TBL1X: variants seen among roughly 807,000 people sequenced by gnomAD.
The protein encoded by TBL1X is transducin beta like 1 X-linked, also known as F-box-like/WD repeat-containing protein TBL1X.
TBL1X carries 10 observed loss-of-function variants against 50.7 expected under a neutral mutation model. The observed-to-expected ratio is 0.20, with a 90% CI of 0.12 to 0.33. TBL1X has a LOEUF of 0.33. Among genes scored for constraint, TBL1X ranks in the 10% least tolerant of loss-of-function variants. The pLI is 1.00. For synonymous variants in TBL1X, 190 were observed against 214.7 expected (o/e 0.88, Z 1.01); for missense variants, 340 against 504.4 (o/e 0.67, Z 3.12).
At chrX:9,683,855 CCT>C (rs2083040235) in intron 5 of TBL1X, 186 bp from the exon 6 acceptor site, 3 of 543,721 alleles carry the variant, frequency 5.5e-6, no homozygotes, top group Non-Finnish European at 6.2e-6. Context: ...GAAGTCCCTC[CCT>C]CTCTCCCTGC....
chrX:9,525,801 A>G (rs1030920843), intron 2 of TBL1X, among the ~76,000 whole-genome samples: 1 of 111,744 alleles, frequency 8.9e-6, no homozygotes, highest in African/African-American at 3.3e-5. Flanking sequence ...TTGGACAGGC[A>G]CTTTCCTCTA....
At chrX:9,656,976 A>G (rs2082868502) in intron 5 of TBL1X, among the ~76,000 whole-genome samples, 1 of 111,837 alleles carries the variant, frequency 8.9e-6, no homozygotes, top group South Asian at 3.8e-4. Context: ...CTCCTCAAGC[A>G]CCTGTACTCT....
chrX:9,501,063 C>T (rs1464964152), intron 1 of TBL1X, among the ~76,000 whole-genome samples: 1 of 111,543 alleles, frequency 9.0e-6, no homozygotes, highest in Non-Finnish European at 1.9e-5. Context: ...TGCCCCAATC[C>T]TCTTTCATTT....
intron 2 of TBL1X, among the ~76,000 whole-genome samples, chrX:9,628,309 G>A (rs1236501781): frequency 8.9e-6 from 1 of 112,047 alleles, no homozygotes; most frequent in African/African-American, 3.2e-5. Context: ...CTGGATGCCA[G>A]CAGCACCCTC....
chrX:9,486,749 G>A (rs1049126684), intron 1 of TBL1X, among the ~76,000 whole-genome samples: 1 of 111,478 alleles, frequency 9.0e-6, no homozygotes, highest in Admixed American at 9.5e-5. Flanking sequence ...TCTCCTGAGG[G>A]CCATGTCACG....
intron 2 of TBL1X, among the ~76,000 whole-genome samples, chrX:9,529,439 TGCTAAA>T (rs1238065819): frequency 9.0e-6 from 1 of 111,470 alleles, no homozygotes; most frequent in Non-Finnish European, 1.9e-5. Context: ...ATTTCAGACG[TGCTAAA>T]GGAGGGGTTG....
chrX:9,523,682 C>T (rs757007886), intron 2 of TBL1X, among the ~76,000 whole-genome samples: 3 of 112,457 alleles, frequency 2.7e-5, no homozygotes, highest in East Asian at 5.6e-4. Context: ...TAAGCGCAAA[C>T]TCCTTGTGCC....
At chrX:9,483,947 T>C (rs1174127051) in intron 1 of TBL1X, among the ~76,000 whole-genome samples, 1 of 112,517 alleles carries the variant, frequency 8.9e-6, no homozygotes, top group African/African-American at 3.2e-5. Flanking sequence ...TATTTTTGTA[T>C]CTTTACTGAG....
intron 2 of TBL1X, among the ~76,000 whole-genome samples, chrX:9,598,267 T>A (rs1441627016): frequency 8.9e-6 from 1 of 111,981 alleles, no homozygotes; most frequent in Non-Finnish European, 1.9e-5. Context: ...ATGTTGGGCC[T>A]ATGAAATTCA....
intron 6 of TBL1X, among the ~76,000 whole-genome samples, chrX:9,684,701 C>T (rs1038290053): frequency 7.2e-5 from 8 of 110,867 alleles, no homozygotes; most frequent in Non-Finnish European, 1.3e-4. Flanking sequence ...CTTCCAGTGC[C>T]CCTCCCACAT....
At chrX:9,684,212 C>G in intron 6 of TBL1X, 24 bp downstream of exon 6, 11 of 1,210,361 alleles carry the variant, frequency 9.1e-6, no homozygotes, top group Non-Finnish European at 1.2e-5. Context: ...GGGCCCGGCC[C>G]CCAAACAGCA....
chrX:9,588,898 C>T (rs956553340), intron 2 of TBL1X, among the ~76,000 whole-genome samples: 2 of 111,089 alleles, frequency 1.8e-5, no homozygotes, highest in African/African-American at 3.3e-5. Flanking sequence ...CCACTGCGCC[C>T]GTCCTCATTT....
intron 2 of TBL1X, among the ~76,000 whole-genome samples, chrX:9,520,442 G>A (rs2082101625): frequency 9.0e-6 from 1 of 111,295 alleles, no homozygotes; most frequent in South Asian, 3.8e-4. Flanking sequence ...TAGAGACCAG[G>A]GAGATGGGAG....
intron 2 of TBL1X, among the ~76,000 whole-genome samples, chrX:9,581,944 G>C (rs971616068): frequency 1.2e-4 from 13 of 112,059 alleles, no homozygotes; most frequent in Non-Finnish European, 1.9e-5. Context: ...GACTCAGGCT[G>C]CCCCTTTTAT....
chrX:9,648,067 A>G (rs1429906263), intron 3 of TBL1X, among the ~76,000 whole-genome samples: 1 of 111,049 alleles, frequency 9.0e-6, no homozygotes. Flanking sequence ...CCAGGGCTAG[A>G]TAGTGGTGCA....
intron 1 of TBL1X, among the ~76,000 whole-genome samples, chrX:9,480,043 C>T (rs80098515): frequency 4.6e-5 from 5 of 109,118 alleles, no homozygotes; most frequent in Admixed American, 9.9e-5. Context: ...CTCCGCCTCC[C>T]GGGTTCAAGC....
intron 2 of TBL1X, among the ~76,000 whole-genome samples, chrX:9,511,922 G>A (rs1490777044): frequency 3.6e-5 from 4 of 111,349 alleles, no homozygotes; most frequent in Non-Finnish European, 5.7e-5. Context: ...GTGCGGTGGC[G>A]CGATCTCAGG....
At chrX:9,497,058 T>C (rs937472598) in intron 1 of TBL1X, among the ~76,000 whole-genome samples, 2 of 111,720 alleles carry the variant, frequency 1.8e-5, no homozygotes, top group East Asian at 5.6e-4. Flanking sequence ...TGGTTGGACA[T>C]GTAACCATCA....
At chrX:9,685,690 T>C (rs1250569027) in intron 6 of TBL1X, among the ~76,000 whole-genome samples, 8 of 106,801 alleles carry the variant, frequency 7.5e-5, no homozygotes, top group Non-Finnish European at 9.6e-5. Context: ...AAAGTAATAA[T>C]ATCCTGTTCT....
Sources: gnomAD v4.1 joint callset for allele counts (sites outside exome capture counted in the v4.1 genomes callset) on GRCh38, gnomAD v4.1.1 for gene constraint, MANE v1.5 for transcripts, NCBI Gene and HGNC (gene_info 2026-07-23, HGNC 2026-07-21) for gene names.